TRPC6: variants seen among roughly 807,000 people sequenced by gnomAD.
The protein encoded by TRPC6 is short transient receptor potential channel 6.
Under a neutral mutation model 90.7 loss-of-function variants are expected in TRPC6, and 55 were observed. That is an observed-to-expected ratio of 0.61 (90% confidence interval 0.49 to 0.76). The LOEUF is 0.76. TRPC6 is among the 30% of genes least tolerant of loss of function. The pLI is 0.00. For synonymous variants in TRPC6, 393 were observed against 393.0 expected, an observed-to-expected ratio of 1.00 and a Z score of 0.00; for missense variants, 989 against 1,122.7, an observed-to-expected ratio of 0.88 and a Z score of 1.70.
At chr11:101,552,297 CA>C (rs1861467999) in intron 1 of TRPC6, among the ~76,000 whole-genome samples, 1 of 152,052 alleles carries the variant, frequency 6.6e-6, no homozygotes, top group Non-Finnish European at 1.5e-5. Flanking sequence ...GAGGAGAAAT[CA>C]ACGTAACCCA....
At chr11:101,550,158 GA>G (rs1861419384) in intron 1 of TRPC6, among the ~76,000 whole-genome samples, 1 of 151,306 alleles carries the variant, frequency 6.6e-6, no homozygotes, top group African/African-American at 2.4e-5. Flanking sequence ...AACATTATAA[GA>G]ATAAAAATTT....
intron 1 of TRPC6, among the ~76,000 whole-genome samples, chr11:101,553,867 A>G (rs1861504269): frequency 6.6e-6 from 1 of 152,102 alleles, no homozygotes; most frequent in African/African-American, 2.4e-5. Flanking sequence ...GTAATAGGGT[A>G]TATGTAAAGG....
chr11:101,542,807 C>T (rs1409956874), intron 1 of TRPC6, among the ~76,000 whole-genome samples: 2 of 151,838 alleles, frequency 1.3e-5, no homozygotes, highest in Non-Finnish European at 2.9e-5. Flanking sequence ...GATTAAAATT[C>T]TATGAACTTC....
intron 1 of TRPC6, among the ~76,000 whole-genome samples, chr11:101,540,534 A>G (rs1861145137): frequency 6.6e-6 from 1 of 152,178 alleles, no homozygotes; most frequent in African/African-American, 2.4e-5. Context: ...TTCTTGTTTA[A>G]CTGTGCTGTT....
intron 9 of TRPC6, 125 bp downstream of exon 9, chr11:101,471,058 G>GTGAC: frequency 4.6e-6 from 4 of 875,734 alleles, no homozygotes; most frequent in Non-Finnish European, 7.4e-6. Flanking sequence ...GCTGTGTGAA[G>GTGAC]TGACTGCATA....
At chr11:101,533,461 A>G (rs369227349) in intron 1 of TRPC6, among the ~76,000 whole-genome samples, 65 of 152,302 alleles carry the variant, frequency 4.3e-4, no homozygotes, top group Middle Eastern at 3.4e-3. Context: ...GTGCCAAGCC[A>G]TGAGGGATCT....
intron 1 of TRPC6, among the ~76,000 whole-genome samples, chr11:101,511,731 C>G (rs938748254): frequency 1.3e-5 from 2 of 152,094 alleles, no homozygotes; most frequent in South Asian, 2.1e-4. Context: ...GTGGCTCACG[C>G]CTGTAATCCC....
intron 4 of TRPC6, among the ~76,000 whole-genome samples, chr11:101,487,887 GC>G (rs1285119459): frequency 3.9e-5 from 6 of 152,078 alleles, no homozygotes; most frequent in Admixed American, 6.5e-5. Flanking sequence ...CTTTGCACAA[GC>G]TTTCTAGCAT....
chr11:101,548,432 T>A (rs1158828276), intron 1 of TRPC6, among the ~76,000 whole-genome samples: 2 of 117,154 alleles, frequency 1.7e-5, no homozygotes, highest in Admixed American at 2.0e-4. Context: ...AATATATAAA[T>A]ATATAATACA....
chr11:101,493,346 C>G (rs1296429644), intron 2 of TRPC6, among the ~76,000 whole-genome samples: 1 of 152,134 alleles, frequency 6.6e-6, no homozygotes, highest in Non-Finnish European at 1.5e-5. Flanking sequence ...GGCCTCATGT[C>G]CAACCCACAT....
intron 2 of TRPC6, among the ~76,000 whole-genome samples, chr11:101,499,596 ACG>A (rs370034899): frequency 0.12 from 13,282 of 108,596 alleles, 2,297 homozygotes; most frequent in African/African-American, 0.16. Flanking sequence ...GTATATATAT[ACG>A]TATATATGGT....
intron 1 of TRPC6, among the ~76,000 whole-genome samples, chr11:101,555,137 C>A (rs1861532734): frequency 6.6e-6 from 1 of 152,164 alleles, no homozygotes; most frequent in Non-Finnish European, 1.5e-5. Context: ...GGGAGCTCAT[C>A]CTCTTGTGAA....
At chr11:101,515,668 A>G (rs1376541712) in intron 1 of TRPC6, among the ~76,000 whole-genome samples, 2 of 152,196 alleles carry the variant, frequency 1.3e-5, no homozygotes, top group African/African-American at 4.8e-5. Context: ...AGAATTTCAC[A>G]GTATTTTAAA....
chr11:101,488,417 G>A (rs1859727126), intron 4 of TRPC6, among the ~76,000 whole-genome samples: 1 of 152,162 alleles, frequency 6.6e-6, no homozygotes, highest in South Asian at 2.1e-4. Context: ...ACTGAAACAA[G>A]TATTACATTA....
chr11:101,470,757 T>G (rs1170130484), intron 9 of TRPC6, among the ~76,000 whole-genome samples: 8 of 151,552 alleles, frequency 5.3e-5, no homozygotes, highest in Non-Finnish European at 1.2e-4. Context: ...AGCAACTGAT[T>G]TCTGAACTTT....
Position 101,583,400 on chromosome 11 carries a change from T to C in TRPC6, c.104A>G (p.Asp35Gly), listed in dbSNP as rs1419211141. ...RNESQDYLLM[D>G]SELGEDGCPQ... Reference sequence around the variant, plus strand: ...GCAGCCGTCTTCTCCCAGCTCCGAGTCCATGAGCAGATAGTCCTGGCTCTC... The same window carrying C: ...GCAGCCGTCTTCTCCCAGCTCCGAGCCCATGAGCAGATAGTCCTGGCTCTC... Residue 35 changes from aspartate to glycine, a missense_variant, in exon 1 of 13, where the codon GAC becomes GGC. Physicochemically the swap from Asp to Gly is moderately conservative, Grantham distance 94. Coordinates refer to ENST00000344327, the MANE Select transcript of TRPC6 (RefSeq NM_004621.6). The C allele has an allele frequency of 1.9e-6, 3 of 1,587,802 alleles. No homozygotes were observed. The highest frequency in any genetic ancestry group is 2.6e-6 in the Non-Finnish European group (3 of 1,167,086).
At chr11:101,479,196 C>A (rs542389271) in intron 5 of TRPC6, among the ~76,000 whole-genome samples, 35 of 152,228 alleles carry the variant, frequency 2.3e-4, no homozygotes, top group Non-Finnish European at 4.9e-4. Context: ...GCACGTGGCA[C>A]CCAGGGCCTG....
chr11:101,493,191 T>A (rs150210606), intron 2 of TRPC6, among the ~76,000 whole-genome samples: 2 of 152,188 alleles, frequency 1.3e-5, no homozygotes, highest in African/African-American at 4.8e-5. Context: ...CTGGGCCACA[T>A]TGGAAGAAGA....
Position 101,455,079 on chromosome 11 carries a change from C to A in TRPC6, c.2507G>T (p.Ser836Ile). 1 of 1,612,432 alleles carries A rather than the reference C, an allele frequency of 6.2e-7. No individual in the cohort carries two copies. The highest frequency in any genetic ancestry group is 8.5e-7 in the Non-Finnish European group (1 of 1,178,976). Residue 836 changes from serine (S) to isoleucine (I), a missense_variant, in exon 11 of 13, where the codon AGT (serine) becomes ATT (isoleucine). Transcript: ENST00000344327. Reference protein sequence around the residue: ...KKQVGHNKQPSIRSSEDFHLN... With the variant: ...KKQVGHNKQPIIRSSEDFHLN... Reference sequence around the variant, plus strand: ...ATGGAAATCTTCTGAGCTCCTTATACTTGGTTGTTTATTGTGCCCAACCTG... The same window carrying A: ...ATGGAAATCTTCTGAGCTCCTTATAATTGGTTGTTTATTGTGCCCAACCTG...
Sources: gnomAD v4.1 joint callset for allele counts (sites outside exome capture counted in the v4.1 genomes callset) on GRCh38, gnomAD v4.1.1 for gene constraint, MANE v1.5 for transcripts, NCBI Gene and HGNC (gene_info 2026-07-23, HGNC 2026-07-21) for gene names.